Variants in CYP2E1 observed in about 807,000 individuals in gnomAD.
CYP2E1 encodes cytochrome P450 2E1.
CYP2E1 carries 31 observed loss-of-function variants against 42.9 expected under a neutral mutation model. The observed-to-expected ratio is 0.72, with a 90% CI of 0.54 to 0.98. The LOEUF is 0.98. CYP2E1 is among the 50% of genes least tolerant of loss of function. The pLI, the probability that CYP2E1 is intolerant of heterozygous loss-of-function variation, is 0.00. For synonymous variants in CYP2E1, 244 were observed against 248.9 expected (o/e 0.98, Z 0.19); for missense variants, 565 against 633.2 (o/e 0.89, Z 1.16).
At position 133,537,129 on chromosome 10, in the gene CYP2E1, A is replaced by G. The variant is rs912887278; in HGVS notation, c.1034A>G (p.Gln345Arg). ...PSRIPAIKDR[Q>R]EMPYMDAVVH... is the part of the protein sequence containing the mutation. ...CGAATCCCTGCCATCAAGGATAGGC[A>G]AGAGATGCCCTACATGGATGCTGTG... Residue 345 changes from glutamine to arginine, a missense_variant, in exon 7 of 9, where the codon CAA (glutamine) becomes CGA (arginine). By Grantham distance (43) the Gln-to-Arg change is conservative. Transcript: ENST00000252945. The G allele has an allele frequency of 3.5e-5, 57 of 1,613,976 alleles. No homozygotes were observed. Among genetic ancestry groups the G allele is most frequent in the Non-Finnish European group, 4.8e-5 (57 of 1,179,998 alleles).
chr10:133,538,209 C>T (rs930294245), intron 8 of CYP2E1, among the ~76,000 whole-genome samples: 2 of 152,092 alleles, frequency 1.3e-5, no homozygotes, highest in African/African-American at 4.8e-5. Context: ...GCTCTCAAAG[C>T]CATATTACCC....
intron 3 of CYP2E1, 155 bp downstream of exon 3, chr10:133,531,889 G>C: frequency 2.4e-6 from 2 of 842,204 alleles, no homozygotes; most frequent in East Asian, 2.7e-5. Context: ...ACAACTCTAG[G>C]TTCCAGCTAC....
chr10:133,532,248 T>C lies in CYP2E1; in HGVS notation c.612T>C (p.Asn204=), dbSNP rs28371743. 1,109 of 1,613,890 alleles carry C rather than the reference T, an allele frequency of 6.9e-4. 5 individuals are homozygous for C. The African/African-American group carries it at 0.013, about 18-fold the overall frequency. ...TTCTAAGGCTGATGTATTTGTTTAA[T>C]GAGAACTTCCACCTACTCAGCACTC... ...EKFLRLMYLF[N]ENFHLLSTPW... Residue 204 remains asparagine, a synonymous_variant, in exon 4 of 9, where the codon AAT becomes AAC. Coordinates refer to ENST00000252945, the MANE Select transcript of CYP2E1 (RefSeq NM_000773.4).
chr10:133,527,842 C>T (rs1199323248), intron 1 of CYP2E1, among the ~76,000 whole-genome samples: 1 of 152,198 alleles, frequency 6.6e-6, no homozygotes. Flanking sequence ...GCTGCTGCGA[C>T]GCCAGGATAA....
chr10:133,538,483 G>A (rs1851432891), intron 8 of CYP2E1, among the ~76,000 whole-genome samples: 1 of 152,150 alleles, frequency 6.6e-6, no homozygotes, highest in Non-Finnish European at 1.5e-5. Flanking sequence ...ATGAGCACTG[G>A]GGGTGCCTTC....
intron 2 of CYP2E1, among the ~76,000 whole-genome samples, chr10:133,530,314 C>T (rs1021770666): frequency 7.2e-5 from 11 of 152,140 alleles, no homozygotes; most frequent in African/African-American, 2.7e-4. Context: ...AGTTTGGTTC[C>T]CAACCTAGAT....
chr10:133,535,926 G>A (rs1851389337), intron 6 of CYP2E1, among the ~76,000 whole-genome samples: 1 of 152,156 alleles, frequency 6.6e-6, no homozygotes. Context: ...ACATTTTGCA[G>A]CTTGGTTTTT....
At chr10:133,536,892 G>T (rs1413697454) in intron 6 of CYP2E1, among the ~76,000 whole-genome samples, 171 bp from the exon 7 acceptor site, 1 of 151,302 alleles carries the variant, frequency 6.6e-6, no homozygotes, top group African/African-American at 2.4e-5. Context: ...TGCATGGGTG[G>T]ATGGATGGAG....
intron 2 of CYP2E1, 50 bp downstream of exon 2, chr10:133,528,690 G>A (rs1851302079): frequency 2.5e-6 from 4 of 1,603,288 alleles, no homozygotes; most frequent in African/African-American, 1.3e-5. Context: ...CACGCCCCGG[G>A]ACAGTTACGG....
At chr10:133,528,698 C>T (rs777367177) in intron 2 of CYP2E1, 58 bp downstream of exon 2, 220 of 1,592,118 alleles carry the variant, frequency 1.4e-4, no homozygotes, top group East Asian at 1.0e-3. Context: ...GGGACAGTTA[C>T]GGGCGCTAGC....
chr10:133,532,423 C>A, intron 4 of CYP2E1, 139 bp downstream of exon 4: 1 of 867,440 alleles, frequency 1.2e-6, no homozygotes, highest in South Asian at 1.8e-5. Flanking sequence ...ATTAGACAGC[C>A]CAAATATTCC....
rs1239952047 is a variant in CYP2E1, at chr10:133,537,194, A to G, written c.1099A>G (p.Asn367Asp). The change falls in exon 7 of 9, where the codon AAC (asparagine) becomes GAC (aspartate). Residue 367 changes from asparagine to aspartate, a missense_variant. Transcript: ENST00000252945. ...IQRFITLVPS[N>D]LPHEATRDTI... ...GCGGTTCATCACCCTCGTGCCCTCC[A>G]ACCTGCCCCATGAAGCAACCCGAGA... 2 of 1,614,060 alleles carry G rather than the reference A, an allele frequency of 1.2e-6. No individual in the cohort carries two copies. The highest frequency in any genetic ancestry group is 1.1e-5 in the South Asian group (1 of 91,078).
intron 6 of CYP2E1, among the ~76,000 whole-genome samples, chr10:133,534,854 C>T (rs1172598121): frequency 1.5e-5 from 2 of 129,390 alleles, no homozygotes; most frequent in Non-Finnish European, 3.3e-5. Flanking sequence ...TCTTCTTCTT[C>T]TTTTTATTTA....
Position 133,531,736 on chromosome 10 carries a change from T to C in CYP2E1, c.487+2T>C, listed in dbSNP as rs764672203. The C allele has an allele frequency of 6.3e-7, 1 of 1,583,736 alleles. No individual in the cohort carries two copies. Among genetic ancestry groups the C allele is most frequent in the South Asian group, 1.2e-5 (1 of 84,442 alleles). On this transcript the variant is annotated splice_donor_variant, in intron 3 of 8. Coordinates refer to ENST00000252945, the MANE Select transcript of CYP2E1 (RefSeq NM_000773.4). LOFTEE classifies it high-confidence loss of function. Reference sequence around the variant, plus strand: ...TGGAAGCACTCAGGAAGACCCAAGGTGCGTATCTGCTGCCTAGCAGGGCCC... The same window carrying C: ...TGGAAGCACTCAGGAAGACCCAAGGCGCGTATCTGCTGCCTAGCAGGGCCC...
At chr10:133,537,646 C>A in intron 7 of CYP2E1, 105 bp from the exon 8 acceptor site, 1 of 983,716 alleles carries the variant, frequency 1.0e-6, no homozygotes, top group Non-Finnish European at 1.5e-6. Flanking sequence ...AATATACTAT[C>A]CTATATAGCA....
rs766838345 is a variant in CYP2E1 at position 133,532,731 on chromosome 10, G to A, written c.688G>A (p.Gly230Arg). 5.6e-6 allele frequency: 9 copies of A among 1,610,980 alleles called. No homozygotes were observed. The South Asian group carries it at 8.9e-5, about 16-fold the overall frequency. ...TCCCAGCTTTCTACACTACTTGCCT[G>A]GAAGCCACAGAAAAGTCATAAAAAA... ...NFPSFLHYLP[G>R]SHRKVIKNVA... The change falls in exon 5 of 9, where the codon GGA becomes AGA. Residue 230 changes from glycine to arginine, a missense_variant. Gly to Arg is a moderately radical substitution (Grantham distance 125). Transcript: ENST00000252945.
At chr10:133,531,543 A>T in intron 2 of CYP2E1, 42 bp from the exon 3 acceptor site, 1 of 1,611,776 alleles carries the variant, frequency 6.2e-7, no homozygotes. Flanking sequence ...TCTCCCCAAA[A>T]TGGGTATTTA....
At chr10:133,534,625 T>C (rs2133597842) in intron 6 of CYP2E1, among the ~76,000 whole-genome samples, 1 of 152,322 alleles carries the variant, frequency 6.6e-6, no homozygotes, top group South Asian at 2.1e-4. Context: ...TGCCTCTCGC[T>C]GGGCTGGAAA....
At chr10:133,532,036 G>T in intron 3 of CYP2E1, 88 bp from the exon 4 acceptor site, 1 of 1,278,616 alleles carries the variant, frequency 7.8e-7, no homozygotes. Flanking sequence ...CCTTCTCACA[G>T]GCCTTGGTGA....
Sources: gnomAD v4.1 joint callset for allele counts (sites outside exome capture counted in the v4.1 genomes callset) on GRCh38, gnomAD v4.1.1 for gene constraint, MANE v1.5 for transcripts, NCBI Gene and HGNC (gene_info 2026-07-23, HGNC 2026-07-21) for gene names.